The following ABLIM1 variants were observed in gnomAD, a reference collection of about 807,000 sequenced individuals.
The protein encoded by ABLIM1 is actin-binding LIM protein 1.
ABLIM1 carries 40 observed loss-of-function variants against 107.0 expected under a neutral mutation model. The observed-to-expected ratio is 0.37, with a 90% confidence interval of 0.29 to 0.49. The LOEUF (loss-of-function observed/expected upper bound fraction) is 0.49, where lower values mean the gene tolerates loss of function less well. Among genes scored for constraint, ABLIM1 ranks in the 20% least tolerant of loss-of-function variants. The pLI, the probability that ABLIM1 is intolerant of heterozygous loss-of-function variation, is 0.97. For missense variants in ABLIM1, 857 were observed against 1,008.5 expected, an observed-to-expected ratio of 0.85 and a Z score of 2.04; for synonymous variants, 357 against 357.3, an observed-to-expected ratio of 1.00 and a Z score of 0.01.
At chr10:114,533,494 G>A (rs2065661767) in intron 6 of ABLIM1, among the ~76,000 whole-genome samples, 2 of 152,194 alleles carry the variant, frequency 1.3e-5, no homozygotes, top group Admixed American at 1.3e-4. Flanking sequence ...AAAGCCATCA[G>A]TAACAATAGC....
In ABLIM1 at chr10:114,468,176, C is replaced by T. The variant is rs746481327; in HGVS notation, c.1311+5G>A. On this transcript the variant is annotated splice_donor_5th_base_variant and intron_variant, in intron 11 of 22. Coordinates refer to ENST00000533213, the MANE Select transcript of ABLIM1 (RefSeq NM_002313.7). Reference sequence around the variant, plus strand: ...ATTAAAATGATAAAAAGAAATGGTACTTACTTCTGCTGATGGAGTAGGAGA... The same window carrying T: ...ATTAAAATGATAAAAAGAAATGGTATTTACTTCTGCTGATGGAGTAGGAGA... The T allele has an allele frequency of 4.3e-6, 7 of 1,612,130 alleles. No individual in the cohort carries two copies. In the South Asian group the frequency reaches 4.4e-5, roughly 10 times the overall value.
chr10:114,600,016 G>A (rs1375828667), intron 2 of ABLIM1, among the ~76,000 whole-genome samples: 1 of 151,948 alleles, frequency 6.6e-6, no homozygotes, highest in African/African-American at 2.4e-5. Flanking sequence ...AGCTCTAATT[G>A]GGTTCTATAT....
At chr10:114,560,314 A>AGAAATG (rs2069500448) in intron 4 of ABLIM1, among the ~76,000 whole-genome samples, 2 of 152,346 alleles carry the variant, frequency 1.3e-5, no homozygotes, top group East Asian at 3.9e-4. Context: ...TTATTCAGCC[A>AGAAATG]TAAAGAAATG....
At chr10:114,530,440 C>T (rs748387302) in intron 6 of ABLIM1, among the ~76,000 whole-genome samples, 6 of 152,060 alleles carry the variant, frequency 3.9e-5, no homozygotes, top group Non-Finnish European at 7.4e-5. Context: ...TATACTTAAA[C>T]AGATTATATC....
intron 1 of ABLIM1, among the ~76,000 whole-genome samples, chr10:114,718,893 G>T (rs917886681): frequency 2.0e-5 from 3 of 152,202 alleles, no homozygotes; most frequent in African/African-American, 7.2e-5. Context: ...TGTGGGAAAA[G>T]TTACTAGAAG....
chr10:114,786,555 C>A, the ABLIM1 span, among the ~76,000 whole-genome samples: 1 of 152,150 alleles, frequency 6.6e-6, no homozygotes, highest in South Asian at 2.1e-4. Context: ...ACTTGTACAG[C>A]ACAATATTAA....
intron 1 of ABLIM1, chr10:114,632,310 T>C: frequency 1.0e-6 from 1 of 985,432 alleles, no homozygotes; most frequent in African/African-American, 1.7e-5. Flanking sequence ...TCCCGAACGC[T>C]GGCCCCCTCC....
intron 5 of ABLIM1, among the ~76,000 whole-genome samples, chr10:114,547,127 G>A (rs1255682474): frequency 6.9e-6 from 1 of 145,824 alleles, no homozygotes; most frequent in African/African-American, 2.6e-5. Context: ...GGTATACGGT[G>A]GAAAATTTCC....
In ABLIM1 at chr10:114,440,194, T is replaced by A. The variant is rs1368703748; in HGVS notation, c.2060-105A>T. The A allele has an allele frequency of 4.1e-6, 5 of 1,206,978 alleles. No homozygotes were observed. The African/African-American group carries it at 7.5e-5, about 18-fold the overall frequency. 74.8% of individuals were successfully genotyped at this position (1,206,978 alleles called of 1,614,324 possible). On this transcript the variant is annotated intron_variant, in intron 19 of 22. Transcript: ENST00000533213. ...TGAAATTCCCAACATATTCGCCCTA[T>A]AAACCATGTTCTTTTTCTGCTCCCA...
At chr10:114,542,657 C>CT (rs11408928) in intron 6 of ABLIM1, among the ~76,000 whole-genome samples, 117,934 of 151,756 alleles carry the variant, frequency 0.78, 46,443 homozygotes, top group African/African-American at 0.92. Flanking sequence ...TTCCAAGTTG[C>CT]CCCAACTCAA....
intron 1 of ABLIM1, among the ~76,000 whole-genome samples, chr10:114,657,712 T>C (rs1452432964): frequency 6.6e-6 from 1 of 152,200 alleles, no homozygotes; most frequent in Non-Finnish European, 1.5e-5. Flanking sequence ...ATACCAAGTT[T>C]GGAAAGAGAT....
At position 114,450,643 on chromosome 10, in the gene ABLIM1, C is replaced by T. The variant is rs115067322; in HGVS notation, c.1594+981G>A. ...TAATAGAGGAGACAGGGTTTCGCTACATTGGTTGGGCTGGTCTTGAACTCC... is the reference window on the plus strand; with the variant it reads ...TAATAGAGGAGACAGGGTTTCGCTATATTGGTTGGGCTGGTCTTGAACTCC... On this transcript the variant is annotated intron_variant, in intron 14 of 22. Transcript: ENST00000533213. 9.2e-3 allele frequency among the ~76,000 whole-genome samples: 1,398 copies of T among 151,960 alleles called. 25 individuals are homozygous for T. Among genetic ancestry groups the T allele is most frequent in the African/African-American group, 0.032 (1,341 of 41,436 alleles).
At chr10:114,485,827 T>C (rs2058108021) in intron 8 of ABLIM1, among the ~76,000 whole-genome samples, 1 of 152,220 alleles carries the variant, frequency 6.6e-6, no homozygotes. Context: ...TGACATGCAG[T>C]GAAAGGCCTG....
intron 5 of ABLIM1, among the ~76,000 whole-genome samples, chr10:114,546,952 C>CTTAT (rs1191510574): frequency 6.6e-6 from 1 of 151,686 alleles, no homozygotes; most frequent in African/African-American, 2.4e-5. Context: ...GGCTTGCTTG[C>CTTAT]TTATTTATTT....
intron 6 of ABLIM1, among the ~76,000 whole-genome samples, chr10:114,499,264 T>C (rs2060076101): frequency 1.3e-5 from 2 of 152,220 alleles, no homozygotes; most frequent in African/African-American, 2.4e-5. Flanking sequence ...CCTTGAGAAA[T>C]ACCAAAGACG....
chr10:114,659,673 T>C (rs764082081), upstream of ABLIM1, among the ~76,000 whole-genome samples: 4 of 152,224 alleles, frequency 2.6e-5, no homozygotes, highest in Admixed American at 6.5e-5. Context: ...ATGTGCCATG[T>C]TGGTGTGCTG....
At chr10:114,662,818 C>G (rs1172978858), upstream of ABLIM1, among the ~76,000 whole-genome samples, 1 of 152,230 alleles carries the variant, frequency 6.6e-6, no homozygotes, top group Non-Finnish European at 1.5e-5. Context: ...ATTAGTTTAA[C>G]AGGCACCAAG....
chr10:114,631,314 T>G (rs192091419), intron 1 of ABLIM1, among the ~76,000 whole-genome samples: 68 of 152,302 alleles, frequency 4.5e-4, no homozygotes, highest in African/African-American at 1.6e-3. Flanking sequence ...ACACTCTCCT[T>G]GTGATATGAT....
At chr10:114,443,691 A>C (rs1048806215) in intron 17 of ABLIM1, among the ~76,000 whole-genome samples, 3 of 150,202 alleles carry the variant, frequency 2.0e-5, no homozygotes, top group Non-Finnish European at 4.4e-5. Flanking sequence ...AAAAAAAAAA[A>C]AAGAAGAAGA....
Sources: gnomAD v4.1 joint callset for allele counts (sites outside exome capture counted in the v4.1 genomes callset) on GRCh38, gnomAD v4.1.1 for gene constraint, MANE v1.5 for transcripts, NCBI Gene and HGNC (gene_info 2026-07-23, HGNC 2026-07-21) for gene names.